AFAP1: variants seen among roughly 807,000 people sequenced by gnomAD.
AFAP1 encodes the protein actin filament associated protein 1, also known as actin filament-associated protein 1.
Under a neutral mutation model 93.9 loss-of-function variants are expected in AFAP1, and 75 were observed. That is an observed-to-expected ratio of 0.80 (90% CI 0.66 to 0.97). The LOEUF is 0.97. AFAP1 is among the 50% of genes least tolerant of loss of function. The pLI is 0.00. For missense variants in AFAP1, 1,201 were observed against 1,050.8 expected, an observed-to-expected ratio of 1.14 and a Z score of -1.98; for synonymous variants, 517 against 430.7, an observed-to-expected ratio of 1.20 and a Z score of -2.48.
intron 4 of AFAP1, among the ~76,000 whole-genome samples, chr4:7,846,922 C>A (rs922053287): frequency 1.7e-4 from 26 of 152,286 alleles, no homozygotes; most frequent in African/African-American, 6.0e-4. Context: ...TGAACCCGTG[C>A]CTTTGTATTT....
chr4:7,780,075 C>G (rs1716595228), intron 13 of AFAP1, among the ~76,000 whole-genome samples: 1 of 152,222 alleles, frequency 6.6e-6, no homozygotes, highest in Admixed American at 6.5e-5. Context: ...TAAGGCAACT[C>G]TAATGCCAAT....
intron 1 of AFAP1, among the ~76,000 whole-genome samples, chr4:7,937,473 T>G (rs1041570603): frequency 1.3e-5 from 2 of 152,208 alleles, no homozygotes; most frequent in African/African-American, 4.8e-5. Context: ...GAGCCGGACG[T>G]AGACCCAGTA....
chr4:7,879,699 C>CTTTTTTTTTT (rs552211338), intron 1 of AFAP1, among the ~76,000 whole-genome samples: 5 of 121,718 alleles, frequency 4.1e-5, no homozygotes, highest in African/African-American at 6.1e-5. Flanking sequence ...TGCTTGCTTG[C>CTTTTTTTTTT]TTTTTTTTTT....
At chr4:7,819,962 A>C (rs1720819204) in intron 6 of AFAP1, among the ~76,000 whole-genome samples, 1 of 152,244 alleles carries the variant, frequency 6.6e-6, no homozygotes, top group South Asian at 2.1e-4. Context: ...CAGGGCCTAA[A>C]GCATAACCAG....
intron 1 of AFAP1, among the ~76,000 whole-genome samples, chr4:7,880,668 G>A (rs535136592): frequency 2.4e-4 from 37 of 152,334 alleles, no homozygotes; most frequent in Non-Finnish European, 5.0e-4. Flanking sequence ...GGTGAGAGCC[G>A]GGAACGGGGT....
intron 1 of AFAP1, among the ~76,000 whole-genome samples, chr4:7,891,988 A>G (rs1367818009): frequency 1.3e-5 from 2 of 152,168 alleles, no homozygotes; most frequent in Non-Finnish European, 2.9e-5. Context: ...CGGGAAGCGG[A>G]GGTTGCAGTA....
chr4:7,813,744 T>G (rs1004685516), intron 8 of AFAP1, among the ~76,000 whole-genome samples: 1 of 152,174 alleles, frequency 6.6e-6, no homozygotes, highest in Non-Finnish European at 1.5e-5. Flanking sequence ...TGCACTCAGA[T>G]AGGACAGACT....
At chr4:7,770,818 G>C (rs1315425496) in intron 16 of AFAP1, among the ~76,000 whole-genome samples, 1 of 152,118 alleles carries the variant, frequency 6.6e-6, no homozygotes, top group Admixed American at 6.5e-5. Context: ...CTCCACGCAG[G>C]ACAAAAGACA....
chr4:7,915,551 G>A (rs1284451815), intron 1 of AFAP1, among the ~76,000 whole-genome samples: 1 of 152,150 alleles, frequency 6.6e-6, no homozygotes, highest in East Asian at 1.9e-4. Flanking sequence ...CAAAAGTTAA[G>A]AGCCCATTTT....
chr4:7,873,666 G>T (rs150660177), intron 1 of AFAP1, among the ~76,000 whole-genome samples: 3 of 151,896 alleles, frequency 2.0e-5, no homozygotes, highest in Non-Finnish European at 4.4e-5. Flanking sequence ...CCTTTTTAAC[G>T]TATCATTGAA....
chr4:7,933,712 A>T (rs989936500), intron 1 of AFAP1, among the ~76,000 whole-genome samples: 1 of 152,222 alleles, frequency 6.6e-6, no homozygotes, highest in African/African-American at 2.4e-5. Context: ...GACCAGATAG[A>T]GGCCTCAGGA....
intron 2 of AFAP1, among the ~76,000 whole-genome samples, chr4:7,871,533 G>A (rs1204933933): frequency 6.6e-6 from 1 of 152,182 alleles, no homozygotes; most frequent in African/African-American, 2.4e-5. Flanking sequence ...CCTCGTGGGA[G>A]GGACAGAGCA....
At chr4:7,885,938 G>A (rs183366209) in intron 1 of AFAP1, among the ~76,000 whole-genome samples, 155 of 152,278 alleles carry the variant, frequency 1.0e-3, no homozygotes, top group Non-Finnish European at 1.3e-3. Flanking sequence ...AGCTGTGTTC[G>A]AGCATGGTCC....
At chr4:7,912,760 T>C (rs1435047062) in intron 1 of AFAP1, among the ~76,000 whole-genome samples, 1 of 152,222 alleles carries the variant, frequency 6.6e-6, no homozygotes, top group Non-Finnish European at 1.5e-5. Flanking sequence ...TTTTACATTT[T>C]AGTCCATGAC....
intron 4 of AFAP1, chr4:7,843,815 G>A (rs966374518): frequency 5.9e-5 from 10 of 168,958 alleles, no homozygotes; most frequent in African/African-American, 2.2e-4. Flanking sequence ...CAACATCTCT[G>A]ACACTCAATA....
intron 17 of AFAP1, among the ~76,000 whole-genome samples, chr4:7,764,434 G>A (rs920815561): frequency 2.0e-5 from 3 of 152,206 alleles, no homozygotes; most frequent in African/African-American, 7.2e-5. Flanking sequence ...AAGGGCTGGG[G>A]TGGGAAGTTT....
At position 7,805,161 on chromosome 4, in the gene AFAP1, G is replaced by A. The variant is rs919175950; in HGVS notation, c.1054+4453C>T. 2.0e-5 allele frequency among the ~76,000 whole-genome samples: 3 copies of A among 152,112 alleles called. No homozygotes were observed. In the East Asian group the frequency reaches 5.8e-4, roughly 29 times the overall value. On this transcript the variant is annotated intron_variant, in intron 9 of 17. Transcript: ENST00000420658. Reference sequence around the variant, plus strand: ...AGCGGTCCTCTCCCCTTGGCCTCCCGAGTCGTGGGGATTCCAGCTGCATGC... The same window carrying A: ...AGCGGTCCTCTCCCCTTGGCCTCCCAAGTCGTGGGGATTCCAGCTGCATGC...
At chr4:7,795,669 C>T (rs7660919) in intron 10 of AFAP1, among the ~76,000 whole-genome samples, 16,496 of 151,910 alleles carry the variant, frequency 0.11, 1,383 homozygotes, top group East Asian at 0.48. Context: ...TTGTGATCTG[C>T]CCACCTCGGC....
chr4:7,903,176 T>C lies in AFAP1; in HGVS notation c.-2-31096A>G, dbSNP rs145468463. Among the ~76,000 whole-genome samples, 708 of 152,276 alleles carry C rather than the reference T, an allele frequency of 4.6e-3. 7 individuals carry two copies. The highest frequency in any genetic ancestry group is 8.8e-3 in the African/African-American group (364 of 41,552). On this transcript the variant is annotated intron_variant, in intron 1 of 17. Transcript: ENST00000420658. Reference sequence around the variant, plus strand: ...AGAAGAATAAGGTTCTTTCAGCCAATTGATTCATTCATTCATTCAACAAAT... The same window carrying C: ...AGAAGAATAAGGTTCTTTCAGCCAACTGATTCATTCATTCATTCAACAAAT...
Sources: gnomAD v4.1 joint callset for allele counts (sites outside exome capture counted in the v4.1 genomes callset) on GRCh38, gnomAD v4.1.1 for gene constraint, MANE v1.5 for transcripts, NCBI Gene and HGNC (gene_info 2026-07-23, HGNC 2026-07-21) for gene names.